DPP10: variants seen among roughly 807,000 people sequenced by gnomAD.
DPP10 encodes inactive dipeptidyl peptidase 10.
A neutral mutation model predicts 120.9 loss-of-function variants in DPP10; 33 were observed. That is an observed-to-expected ratio of 0.27 (90% CI 0.21 to 0.37). DPP10 has a LOEUF of 0.37. DPP10 is among the 10% of genes least tolerant of loss of function. The probability of loss-of-function intolerance (pLI) is 1.00; values close to 1 mark genes in which losing one functional copy is unlikely to be tolerated. For missense variants in DPP10, 816 were observed against 942.8 expected (o/e 0.87, Z 1.76); for synonymous variants, 337 against 326.1 (o/e 1.03, Z -0.36).
rs142816503 is a variant in DPP10 at position 114,753,999 on chromosome 2, T to C, written c.60+311161T>C. Among the ~76,000 whole-genome samples, 708 of 151,694 alleles carry C rather than the reference T, an allele frequency of 4.7e-3. 10 individuals are homozygous for C. The highest frequency in any genetic ancestry group is 3.7e-3 in the Non-Finnish European group (250 of 67,928). ...TTTTGAAACTATGAAGAGAAAATAG[T>C]GTGAAGACTAAAGCAGATGATATGT... On this transcript the variant is annotated intron_variant, in intron 1 of 25. Transcript: ENST00000410059.
At chr2:114,702,614 A>C (rs1700451394) in intron 1 of DPP10, among the ~76,000 whole-genome samples, 1 of 152,080 alleles carries the variant, frequency 6.6e-6, no homozygotes, top group Non-Finnish European at 1.5e-5. Flanking sequence ...ATTTGAAGAC[A>C]CTTAAAATGC....
Position 115,842,239 on chromosome 2 carries a change from C to A in DPP10, c.2285C>A (p.Ser762Tyr). The change falls in exon 26 of 26, where the codon TCT (serine) becomes TAT (tyrosine). Residue 762 changes from serine to tyrosine, a missense_variant. This residue lies in a region of DPP10 where 592 missense variants were observed against 649.0 expected (regional missense o/e 0.91). Transcript: ENST00000410059. ...QVYPDEGHNV[S>Y]EKSKYHLYST... is the part of the protein sequence containing the mutation. ...TACCCAGATGAAGGTCATAACGTAT[C>A]TGAGAAGAGCAAGTATCATCTCTAC... 6.2e-7 allele frequency: 1 copy of A among 1,613,478 alleles called. No individual in the cohort carries two copies. Among genetic ancestry groups the A allele is most frequent in the Non-Finnish European group, 8.5e-7 (1 of 1,179,552 alleles).
At chr2:115,606,034 A>C (rs187995846) in intron 5 of DPP10, among the ~76,000 whole-genome samples, 21 of 152,228 alleles carry the variant, frequency 1.4e-4, no homozygotes, top group African/African-American at 4.8e-4. Context: ...GAAGCTCTCT[A>C]GCCAAATTTA....
chr2:114,722,051 A>C (rs529769675), intron 1 of DPP10, among the ~76,000 whole-genome samples: 6 of 152,296 alleles, frequency 3.9e-5, no homozygotes, highest in African/African-American at 1.4e-4. Flanking sequence ...TACAAATGCC[A>C]GTTTTTTCAT....
chr2:115,452,839 T>C (rs969330993), intron 3 of DPP10, among the ~76,000 whole-genome samples: 11 of 151,896 alleles, frequency 7.2e-5, no homozygotes, highest in South Asian at 6.2e-4. Flanking sequence ...ATCAGACATA[T>C]TCGTTTAGTA....
chr2:114,559,714 C>T (rs1688603705), intron 1 of DPP10, among the ~76,000 whole-genome samples: 2 of 152,044 alleles, frequency 1.3e-5, no homozygotes, highest in East Asian at 1.9e-4. Flanking sequence ...CTGTGTGGAT[C>T]ATGAGTAGGT....
intron 3 of DPP10, among the ~76,000 whole-genome samples, chr2:115,455,668 C>G (rs969299145): frequency 2.0e-5 from 3 of 152,078 alleles, no homozygotes; most frequent in African/African-American, 7.2e-5. Flanking sequence ...CACCACACAT[C>G]TACAACCATC....
chr2:114,484,222 C>T (rs147809475), intron 1 of DPP10, among the ~76,000 whole-genome samples: 60 of 152,218 alleles, frequency 3.9e-4, no homozygotes, highest in African/African-American at 1.4e-3. Context: ...AACTCTGAAT[C>T]TCCTGGGATC....
chr2:115,548,090 C>G (rs2079623676), intron 5 of DPP10, among the ~76,000 whole-genome samples: 1 of 151,986 alleles, frequency 6.6e-6, no homozygotes, highest in African/African-American at 2.4e-5. Flanking sequence ...AAGGCAAGCT[C>G]AAAAGAATCT....
At chr2:115,493,011 A>C (rs968263208) in intron 3 of DPP10, among the ~76,000 whole-genome samples, 1 of 152,170 alleles carries the variant, frequency 6.6e-6, no homozygotes, top group Non-Finnish European at 1.5e-5. Context: ...GAAGTTTTAC[A>C]TATGTGGAGA....
chr2:115,184,379 A>G (rs2054287076), intron 1 of DPP10, among the ~76,000 whole-genome samples: 1 of 152,226 alleles, frequency 6.6e-6, no homozygotes, highest in Non-Finnish European at 1.5e-5. Flanking sequence ...CATTTCAAAT[A>G]GAAGGGGAAA....
At chr2:115,434,758 C>A (rs557163718) in intron 3 of DPP10, among the ~76,000 whole-genome samples, 16 of 151,834 alleles carry the variant, frequency 1.1e-4, no homozygotes, top group Non-Finnish European at 1.9e-4. Flanking sequence ...ACCTACTATA[C>A]TGTCAATCAC....
chr2:114,517,243 G>T (rs1467928964), intron 1 of DPP10, among the ~76,000 whole-genome samples: 1 of 152,082 alleles, frequency 6.6e-6, no homozygotes, highest in Middle Eastern at 3.2e-3. Flanking sequence ...GGGTATGGCT[G>T]GGCACAGTGG....
intron 1 of DPP10, among the ~76,000 whole-genome samples, chr2:115,236,683 C>G (rs563767421): frequency 6.6e-6 from 1 of 152,252 alleles, no homozygotes; most frequent in Non-Finnish European, 1.5e-5. Flanking sequence ...TTTTTCTATC[C>G]TATGACTCTC....
At chr2:115,367,835 A>G (rs1324624891) in intron 3 of DPP10, among the ~76,000 whole-genome samples, 1 of 149,280 alleles carries the variant, frequency 6.7e-6, no homozygotes, top group East Asian at 2.0e-4. Context: ...GTATTTGTGC[A>G]AACAGAAGTT....
At position 115,437,778 on chromosome 2, in the gene DPP10, A is replaced by T. The variant is rs2071627429; in HGVS notation, c.272-61732A>T. Among the ~76,000 whole-genome samples the T allele has an allele frequency of 2.0e-5, 3 of 152,126 alleles. No homozygotes were observed. In the South Asian group the frequency reaches 6.2e-4, roughly 31 times the overall value. On this transcript the variant is annotated intron_variant, in intron 3 of 25. Transcript: ENST00000410059. Reference sequence around the variant, plus strand: ...GTAGAAAATAGGTGTGAATTTTGAAAGTGATAAATGACTACCTTGGTGGTA... The same window carrying T: ...GTAGAAAATAGGTGTGAATTTTGAATGTGATAAATGACTACCTTGGTGGTA...
intron 1 of DPP10, among the ~76,000 whole-genome samples, chr2:115,299,396 C>T (rs1157195311): frequency 1.3e-5 from 2 of 151,812 alleles, no homozygotes; most frequent in East Asian, 1.9e-4. Flanking sequence ...AAAATGTTCT[C>T]GTGGGAGGCT....
intron 1 of DPP10, among the ~76,000 whole-genome samples, chr2:114,514,501 G>A (rs897619530): frequency 1.3e-4 from 20 of 152,070 alleles, no homozygotes; most frequent in African/African-American, 4.8e-4. Flanking sequence ...CTGTTTTCCT[G>A]GGTTCTTCCC....
intron 24 of DPP10, among the ~76,000 whole-genome samples, chr2:115,839,792 G>A (rs1190679748): frequency 6.6e-6 from 1 of 152,020 alleles, no homozygotes; most frequent in African/African-American, 2.4e-5. Flanking sequence ...AGAGATTTGA[G>A]TGACTGCACC....
Sources: gnomAD v4.1 joint callset for allele counts (sites outside exome capture counted in the v4.1 genomes callset) on GRCh38, gnomAD v4.1.1 for gene constraint, gnomAD v4.1.1 regional missense constraint, MANE v1.5 for transcripts, NCBI Gene and HGNC (gene_info 2026-07-23, HGNC 2026-07-21) for gene names.